Variants in MORC4 observed in about 807,000 individuals in gnomAD.
The protein encoded by MORC4 is MORC family CW-type zinc finger protein 4.
Under a neutral mutation model 65.5 loss-of-function variants are expected in MORC4, and 22 were observed. The observed-to-expected ratio is 0.34, with a 90% CI of 0.24 to 0.48. The LOEUF is 0.48. Among genes scored for constraint, MORC4 ranks in the 20% least tolerant of loss-of-function variants. MORC4 has a pLI of 0.99. For synonymous variants in MORC4, 267 were observed against 255.8 expected, an observed-to-expected ratio of 1.04 and a Z score of -0.42; for missense variants, 624 against 703.0, an observed-to-expected ratio of 0.89 and a Z score of 1.27.
intron 14 of MORC4, among the ~76,000 whole-genome samples, chrX:106,947,076 AT>A (rs967544984): frequency 1.8e-5 from 2 of 110,845 alleles, no homozygotes; most frequent in South Asian, 3.8e-4. Flanking sequence ...TTCCAATGTG[AT>A]TTTTTTTCTT....
chrX:106,971,347 T>C (rs1163050443), intron 9 of MORC4, among the ~76,000 whole-genome samples: 1 of 112,051 alleles, frequency 8.9e-6, no homozygotes, highest in Non-Finnish European at 1.9e-5. Context: ...ATGTAAGACC[T>C]AGGACCATAA....
chrX:106,979,326 A>G (rs1233499552), intron 7 of MORC4, among the ~76,000 whole-genome samples: 1 of 110,997 alleles, frequency 9.0e-6, no homozygotes, highest in South Asian at 3.8e-4. Context: ...TAACGCAAAA[A>G]CAAAACAAGA....
chrX:106,986,866 T>C (rs752102430), intron 3 of MORC4, among the ~76,000 whole-genome samples: 69 of 111,937 alleles, frequency 6.2e-4, no homozygotes, highest in Non-Finnish European at 1.1e-3. Context: ...AAGTCTCTCT[T>C]GCTCCATTAA....
At chrX:106,992,617 T>C (rs969465071) in intron 3 of MORC4, among the ~76,000 whole-genome samples, 2 of 112,787 alleles carry the variant, frequency 1.8e-5, no homozygotes, top group Admixed American at 9.3e-5. Context: ...CCTAAGTTTG[T>C]GATTCTACTG....
At chrX:106,945,414 T>TTGTGTG (rs35077497) in intron 14 of MORC4, among the ~76,000 whole-genome samples, 18,378 of 82,985 alleles carry the variant, frequency 0.22, 1,948 homozygotes, top group Middle Eastern at 0.3. Flanking sequence ...ACTTACTACT[T>TTGTGTG]TGTGTGTGTG....
chrX:106,943,262 G>A, intron 14 of MORC4, 57 bp from the exon 15 acceptor site: 2 of 947,831 alleles, frequency 2.1e-6, no homozygotes, highest in Non-Finnish European at 2.9e-6. Context: ...AGTATTTTCT[G>A]ATCCTATGGA....
chrX:106,951,965 C>CAG (rs1175532591), intron 14 of MORC4, among the ~76,000 whole-genome samples: 2 of 88,039 alleles, frequency 2.3e-5, no homozygotes, highest in African/African-American at 9.2e-5. Context: ...CACTGCACTC[C>CAG]AGCCTGGGTG....
intron 7 of MORC4, among the ~76,000 whole-genome samples, chrX:106,978,620 G>GCACA (rs376470714): frequency 2.3e-4 from 23 of 102,014 alleles, no homozygotes; most frequent in East Asian, 9.0e-4. Context: ...ACACACACAC[G>GCACA]CACACACACA....
rs181325110 is a variant in MORC4 at position 106,972,561 on chromosome X, C to T, written c.1157+4023G>A. ...ATAGGATTCCCTAGGAAAGACCTGC[C>T]AAGAGCCTCTTGTTGGATGACATGA... On this transcript the variant is annotated intron_variant, in intron 9 of 16. Coordinates refer to ENST00000355610, the MANE Select transcript of MORC4 (RefSeq NM_024657.5). Among the ~76,000 whole-genome samples the T allele has an allele frequency of 1.4e-3, 159 of 111,736 alleles. 1 individual carries two copies. Among genetic ancestry groups the T allele is most frequent in the African/African-American group, 5.1e-3 (157 of 30,793 alleles).
At chrX:106,957,097 C>T in intron 11 of MORC4, 93 bp from the exon 12 acceptor site, 1 of 492,495 alleles carries the variant, frequency 2.0e-6, no homozygotes, top group Non-Finnish European at 3.4e-6. Flanking sequence ...GTTAACAACT[C>T]TCTAACATTA....
At chrX:106,985,428 AT>A (rs1281530063) in intron 4 of MORC4, among the ~76,000 whole-genome samples, 185 bp from the exon 5 acceptor site, 3 of 112,156 alleles carry the variant, frequency 2.7e-5, no homozygotes, top group African/African-American at 9.7e-5. Context: ...TCAGTTGCCC[AT>A]GCAGAATATA....
intron 10 of MORC4, among the ~76,000 whole-genome samples, chrX:106,958,998 A>T (rs1380388483): frequency 1.8e-5 from 2 of 111,069 alleles, no homozygotes; most frequent in Non-Finnish European, 3.8e-5. Context: ...CCCTACAGAG[A>T]CTCCTTATTC....
chrX:106,944,156 C>T (rs1437880866), intron 14 of MORC4, among the ~76,000 whole-genome samples: 1 of 112,167 alleles, frequency 8.9e-6, no homozygotes, highest in Non-Finnish European at 1.9e-5. Flanking sequence ...CAAGGTTGCC[C>T]ATATTTCTCT....
Position 106,986,201 on chromosome X carries a change from C to T in MORC4, c.309-1G>A. ...TATTACTTTATCTGTAAAGCCAAAG[C>T]TGCAATTACACAAGAAAAAACAAAT... On this transcript the variant is annotated splice_acceptor_variant, in intron 3 of 16. Transcript: ENST00000355610. LOFTEE classifies it high-confidence loss of function. 1.7e-6 allele frequency: 2 copies of T among 1,170,199 alleles called. No homozygotes were observed. The highest frequency in any genetic ancestry group is 2.3e-6 in the Non-Finnish European group (2 of 868,991).
chrX:106,945,327 C>A (rs1455909167), intron 14 of MORC4, among the ~76,000 whole-genome samples: 1 of 110,288 alleles, frequency 9.1e-6, no homozygotes, highest in Non-Finnish European at 1.9e-5. Flanking sequence ...TTCTACCCAA[C>A]ACTGCATGCA....
chrX:106,953,532 G>T (rs1311415042), intron 14 of MORC4, among the ~76,000 whole-genome samples: 1 of 111,806 alleles, frequency 8.9e-6, no homozygotes, highest in Non-Finnish European at 1.9e-5. Flanking sequence ...GACTAAGGCT[G>T]GATTCTATTT....
At position 106,941,541 on chromosome X, in the gene MORC4, CA is replaced by C; in HGVS notation, c.2751del (p.Tyr917Ter). 8.3e-7 allele frequency: 1 copy of C among 1,209,956 alleles called. No individual in the cohort carries two copies. The highest frequency in any genetic ancestry group is 1.1e-6 in the Non-Finnish European group (1 of 894,141). Reference protein sequence around the residue: ...LPHLELREIGYDSEQVDGILY... With the variant: ...LPHLELREIGXDSEQVDGILY... Reference sequence around the variant, plus strand: ...AGGATCCCATCCACTTGTTCTGAGTCATACCCGATCTCACGAAGCTCCAAGT... The same window carrying C: ...AGGATCCCATCCACTTGTTCTGAGTCTACCCGATCTCACGAAGCTCCAAGT... On this transcript the variant is annotated frameshift_variant, in exon 17 of 17. Coordinates refer to ENST00000355610, the MANE Select transcript of MORC4 (RefSeq NM_024657.5). LOFTEE classifies it high-confidence loss of function.
At chrX:106,969,172 C>T (rs1433382276) in intron 9 of MORC4, among the ~76,000 whole-genome samples, 1 of 112,086 alleles carries the variant, frequency 8.9e-6, no homozygotes, top group Non-Finnish European at 1.9e-5. Flanking sequence ...TTAAGAATCC[C>T]ACTCAAAATC....
intron 3 of MORC4, 21 bp from the exon 4 acceptor site, chrX:106,986,221 A>C (rs1934868516): frequency 8.9e-7 from 1 of 1,120,797 alleles, no homozygotes; most frequent in Non-Finnish European, 1.2e-6. Flanking sequence ...ACAAGAAAAA[A>C]CAAATCAGAA....
Sources: allele counts gnomAD v4.1 joint callset (sites outside exome capture counted in the v4.1 genomes callset), GRCh38; gene constraint gnomAD v4.1.1; transcripts MANE v1.5; gene names NCBI Gene and HGNC (gene_info 2026-07-23, HGNC 2026-07-21).